Variants in CADPS2 observed in about 807,000 individuals in gnomAD.
CADPS2 encodes the protein calcium-dependent secretion activator 2.
CADPS2 carries 93 observed loss-of-function variants against 172.5 expected under a neutral mutation model. The ratio of observed to expected loss-of-function variants is 0.54; its 90% confidence interval spans 0.46 to 0.64. CADPS2 has a LOEUF of 0.64. Among genes scored for constraint, CADPS2 ranks in the 30% least tolerant of loss-of-function variants. The pLI is 0.00. For missense variants in CADPS2, 1,420 were observed against 1,565.9 expected, an observed-to-expected ratio of 0.91 and a Z score of 1.57; for synonymous variants, 546 against 555.2, an observed-to-expected ratio of 0.98 and a Z score of 0.23.
chr7:122,339,162 G>C (rs2036379333), intron 28 of CADPS2, among the ~76,000 whole-genome samples: 1 of 152,130 alleles, frequency 6.6e-6, no homozygotes, highest in South Asian at 2.1e-4. Flanking sequence ...CTAGTAAACA[G>C]GCTGATTACA....
intron 3 of CADPS2, among the ~76,000 whole-genome samples, chr7:122,630,247 C>T (rs2076449176): frequency 6.6e-6 from 1 of 152,250 alleles, no homozygotes; most frequent in Non-Finnish European, 1.5e-5. Flanking sequence ...TTACTTGTCA[C>T]TTTCCCAAAG....
At chr7:122,583,394 G>A (rs1018058494) in intron 6 of CADPS2, among the ~76,000 whole-genome samples, 6 of 151,684 alleles carry the variant, frequency 4.0e-5, no homozygotes, top group African/African-American at 1.2e-4. Flanking sequence ...CCTCTCCACC[G>A]TCACTACTCT....
At chr7:122,730,238 C>A (rs1363093118) in intron 2 of CADPS2, among the ~76,000 whole-genome samples, 3 of 151,618 alleles carry the variant, frequency 2.0e-5, no homozygotes, top group South Asian at 2.1e-4. Context: ...AAATGTTAAA[C>A]TTCACTAATA....
chr7:122,425,366 T>C (rs1020839029), intron 17 of CADPS2, among the ~76,000 whole-genome samples: 1 of 148,708 alleles, frequency 6.7e-6, no homozygotes, highest in Admixed American at 6.8e-5. Context: ...GGTGGGTGGA[T>C]TGCTTGGGTT....
chr7:122,440,238 A>G (rs1273596441), intron 16 of CADPS2: 5 of 152,162 alleles, frequency 3.3e-5, no homozygotes, highest in Admixed American at 1.3e-4. Context: ...GCAGGAGGGC[A>G]TCCTGCCATC....
At chr7:122,389,826 C>G (rs1023674529) in intron 22 of CADPS2, among the ~76,000 whole-genome samples, 3 of 151,974 alleles carry the variant, frequency 2.0e-5, no homozygotes, top group African/African-American at 4.8e-5. Flanking sequence ...TTTATTACAA[C>G]AGCACAGGGG....
intron 25 of CADPS2, among the ~76,000 whole-genome samples, chr7:122,376,495 T>C (rs1463742897): frequency 6.6e-6 from 1 of 152,160 alleles, no homozygotes; most frequent in Non-Finnish European, 1.5e-5. Flanking sequence ...TATTACATAG[T>C]ACCAATTATA....
intron 6 of CADPS2, among the ~76,000 whole-genome samples, chr7:122,598,636 C>T (rs1243379978): frequency 2.6e-5 from 4 of 152,036 alleles, no homozygotes; most frequent in African/African-American, 9.7e-5. Context: ...TGTATTAATA[C>T]TAGCAGGCCA....
At chr7:122,338,426 A>G in intron 28 of CADPS2, among the ~76,000 whole-genome samples, 1 of 152,142 alleles carries the variant, frequency 6.6e-6, no homozygotes, top group East Asian at 1.9e-4. Context: ...AAACAAATAA[A>G]TAAATAAGTA....
At chr7:122,539,005 A>G (rs2062625612) in intron 8 of CADPS2, among the ~76,000 whole-genome samples, 1 of 152,128 alleles carries the variant, frequency 6.6e-6, no homozygotes, top group Non-Finnish European at 1.5e-5. Flanking sequence ...AAAAAATTAA[A>G]TATCTATAGC....
chr7:122,651,826 T>C (rs188240959), intron 3 of CADPS2, among the ~76,000 whole-genome samples: 8 of 152,278 alleles, frequency 5.3e-5, no homozygotes, highest in Admixed American at 1.3e-4. Flanking sequence ...GAGACAAATA[T>C]AGAAGTTAAA....
intron 6 of CADPS2, among the ~76,000 whole-genome samples, chr7:122,610,686 T>C (rs1451916113): frequency 6.6e-6 from 1 of 152,108 alleles, no homozygotes; most frequent in East Asian, 1.9e-4. Flanking sequence ...ATGAATTTTA[T>C]TTTATACCTA....
At chr7:122,823,132 A>T (rs796129141) in intron 1 of CADPS2, among the ~76,000 whole-genome samples, 2 of 152,142 alleles carry the variant, frequency 1.3e-5, no homozygotes, top group Non-Finnish European at 2.9e-5. Context: ...GTCTATTCAG[A>T]TCTTTTGTAC....
At chr7:122,589,058 T>C (rs867406236) in intron 6 of CADPS2, among the ~76,000 whole-genome samples, 60 of 152,012 alleles carry the variant, frequency 3.9e-4, no homozygotes, top group Non-Finnish European at 4.9e-4. Flanking sequence ...TGAGCTGTAG[T>C]ATCCTTTAGT....
chr7:122,481,997 C>T (rs942970012), intron 11 of CADPS2, among the ~76,000 whole-genome samples: 2 of 152,144 alleles, frequency 1.3e-5, no homozygotes, highest in African/African-American at 4.8e-5. Flanking sequence ...CACCACTGCA[C>T]TTCCTCTCTC....
intron 1 of CADPS2, among the ~76,000 whole-genome samples, chr7:122,878,648 A>G (rs892251884): frequency 2.2e-4 from 8 of 37,110 alleles, no homozygotes; most frequent in Non-Finnish European, 3.8e-4. Flanking sequence ...TCAAATAAAT[A>G]AATAAATAAA....
chr7:122,864,507 C>T (rs76640208), intron 1 of CADPS2, among the ~76,000 whole-genome samples: 2,002 of 151,950 alleles, frequency 0.013, 44 homozygotes, highest in African/African-American at 0.046. Context: ...ACCAAAAAAA[C>T]TTATGTCACA....
chr7:122,689,444 G>T (rs2084045119), intron 2 of CADPS2, among the ~76,000 whole-genome samples: 1 of 152,196 alleles, frequency 6.6e-6, no homozygotes, highest in South Asian at 2.1e-4. Context: ...TGTGTGCTCT[G>T]CAAGGGCTGT....
At chr7:122,344,856 T>G (rs191149932) in intron 28 of CADPS2, among the ~76,000 whole-genome samples, 1 of 152,246 alleles carries the variant, frequency 6.6e-6, no homozygotes, top group East Asian at 1.9e-4. Context: ...AAAAGGAAGC[T>G]AATTAAGGCC....
Sources: gnomAD v4.1 joint callset for allele counts (sites outside exome capture counted in the v4.1 genomes callset) on GRCh38, gnomAD v4.1.1 for gene constraint, MANE v1.5 for transcripts, NCBI Gene and HGNC (gene_info 2026-07-23, HGNC 2026-07-21) for gene names.